The following PLA2G4E variants were observed in gnomAD, a reference collection of about 807,000 sequenced individuals.
PLA2G4E encodes phospholipase A2 group IVE.
PLA2G4E carries 84 observed loss-of-function variants against 109.1 expected under a neutral mutation model. The observed-to-expected ratio is 0.77, with a 90% CI of 0.65 to 0.92. PLA2G4E has a LOEUF of 0.92. Ranked by LOEUF, PLA2G4E falls within the 40% of genes least tolerant of loss-of-function variation. PLA2G4E has a pLI of 0.00. For missense variants in PLA2G4E, 1,057 were observed against 1,076.6 expected (o/e 0.98, Z 0.25); for synonymous variants, 469 against 436.1 (o/e 1.08, Z -0.94).
intron 1 of PLA2G4E, 125 bp from the exon 2 acceptor site, chr15:42,013,882 GTTTTTTTTTTTTTTTTTT>G (rs10539531): frequency 7.5e-6 from 1 of 132,742 alleles, no homozygotes; most frequent in Non-Finnish European, 1.3e-5. Flanking sequence ...CCCTAGGCTG[GTTTTTTTTTTTTTTTTTT>G]TTTTTTTTTT....
At chr15:42,020,334 C>A (rs527929449) in intron 1 of PLA2G4E, among the ~76,000 whole-genome samples, 4 of 152,342 alleles carry the variant, frequency 2.6e-5, no homozygotes, top group African/African-American at 7.2e-5. Flanking sequence ...GCATTGAGGT[C>A]ATCTCCCTAT....
chr15:42,037,009 G>T (rs1889229180), intron 1 of PLA2G4E, among the ~76,000 whole-genome samples: 1 of 152,366 alleles, frequency 6.6e-6, no homozygotes, highest in Non-Finnish European at 1.5e-5. Flanking sequence ...ACATATTTGG[G>T]GCAGTGCTGG....
exon 20 of PLA2G4E, chr15:41,983,683 T>A: frequency 2.2e-6 from 3 of 1,366,662 alleles, no homozygotes; most frequent in Non-Finnish European, 3.0e-6. Context: ...CGTAGTAACC[T>A]GGTCAGCCCT....
chr15:41,999,425 A>T, intron 10 of PLA2G4E, 99 bp downstream of exon 10: 1 of 844,132 alleles, frequency 1.2e-6, no homozygotes, highest in African/African-American at 1.7e-5. Flanking sequence ...CAACATCATT[A>T]GCCATAGGGG....
At chr15:41,996,350 G>GAAAAAAAA (rs34559872) in intron 11 of PLA2G4E, among the ~76,000 whole-genome samples, 1,340 of 75,050 alleles carry the variant, frequency 0.018, 92 homozygotes, top group East Asian at 0.1. Flanking sequence ...CCTGTCTCAA[G>GAAAAAAAA]AAAAAAAAAA....
At chr15:41,985,864 T>C (rs756405380) in exon 18 of PLA2G4E, 4 of 1,611,172 alleles carry the variant, frequency 2.5e-6, no homozygotes, top group Non-Finnish European at 3.4e-6. Context: ...AGCACAGTAG[T>C]TGAGGTGGAT....
intron 1 of PLA2G4E, among the ~76,000 whole-genome samples, chr15:42,029,019 T>C (rs954399642): frequency 3.9e-5 from 6 of 152,242 alleles, no homozygotes; most frequent in African/African-American, 4.8e-5. Flanking sequence ...GTGTCATCAA[T>C]GTATCTGGCT....
intron 1 of PLA2G4E, among the ~76,000 whole-genome samples, chr15:42,018,486 G>C (rs1595571271): frequency 6.6e-6 from 1 of 152,190 alleles, no homozygotes; most frequent in Admixed American, 6.5e-5. Flanking sequence ...CTGGAGTAGG[G>C]ACAGGCATTC....
At chr15:41,986,073 G>T (rs912794863) in intron 17 of PLA2G4E, 68 bp from the exon 18 acceptor site, 2 of 1,502,022 alleles carry the variant, frequency 1.3e-6, no homozygotes, top group Non-Finnish European at 1.8e-6. Flanking sequence ...GAGGCACTTG[G>T]GGGGACGGAG....
intron 1 of PLA2G4E, among the ~76,000 whole-genome samples, chr15:42,041,067 A>G (rs964205214): frequency 2.6e-5 from 4 of 152,160 alleles, no homozygotes; most frequent in African/African-American, 9.7e-5. Context: ...GAGTCAGTAA[A>G]ATGTTGGTGA....
intron 1 of PLA2G4E, among the ~76,000 whole-genome samples, chr15:42,023,192 AAAG>A (rs140732213): frequency 0.051 from 7,805 of 151,904 alleles, 708 homozygotes; most frequent in African/African-American, 0.18. Context: ...AGGCTTTGTG[AAAG>A]AACAAATCTG....
At chr15:42,019,234 A>T (rs1595571565) in intron 1 of PLA2G4E, among the ~76,000 whole-genome samples, 1 of 152,228 alleles carries the variant, frequency 6.6e-6, no homozygotes, top group Non-Finnish European at 1.5e-5. Flanking sequence ...TAGCAGAGAC[A>T]GGAGGAAAAG....
chr15:42,006,047 G>A, exon 4 of PLA2G4E: 2 of 1,613,976 alleles, frequency 1.2e-6, no homozygotes, highest in Admixed American at 3.3e-5. Context: ...GCTTGGTGAG[G>A]TCATAGAGAA....
chr15:42,050,450 C>G, intron 1 of PLA2G4E: 1 of 1,468,232 alleles, frequency 6.8e-7, no homozygotes, highest in South Asian at 1.3e-5. Flanking sequence ...TGCAGGTGAT[C>G]TTATTCCGAG....
chr15:42,039,549 A>C (rs1889278240), intron 1 of PLA2G4E, among the ~76,000 whole-genome samples: 1 of 152,094 alleles, frequency 6.6e-6, no homozygotes, highest in African/African-American at 2.4e-5. Context: ...ATATATATAT[A>C]TGAATACTTG....
At chr15:41,991,168 G>T (rs2068241888) in intron 13 of PLA2G4E, among the ~76,000 whole-genome samples, 2 of 152,120 alleles carry the variant, frequency 1.3e-5, no homozygotes, top group South Asian at 4.1e-4. Context: ...TGGCCCAAGG[G>T]AAAGGGGCTC....
chr15:42,022,824 G>C (rs935034781), intron 1 of PLA2G4E, among the ~76,000 whole-genome samples: 1 of 152,104 alleles, frequency 6.6e-6, no homozygotes, highest in Admixed American at 6.5e-5. Flanking sequence ...GGGGGCCCCT[G>C]GTTTACAGAG....
At chr15:41,982,469 C>T (rs1244076614) in exon 20 of PLA2G4E, 5 of 152,176 alleles carry the variant, frequency 3.3e-5, no homozygotes, top group Non-Finnish European at 5.9e-5. Context: ...CTGTGGGTGA[C>T]TCTCCAAGAG....
At chr15:41,984,520 T>C in exon 19 of PLA2G4E, 1 of 1,613,904 alleles carries the variant, frequency 6.2e-7, no homozygotes, top group Non-Finnish European at 8.5e-7. Context: ...GGGTTCTCCA[T>C]CAGGTAGCAT....
Sources: gnomAD v4.1 joint callset for allele counts (sites outside exome capture counted in the v4.1 genomes callset) on GRCh38, gnomAD v4.1.1 for gene constraint, MANE v1.5 for transcripts, NCBI Gene and HGNC (gene_info 2026-07-23, HGNC 2026-07-21) for gene names.